The following ASTN2 variants were observed in gnomAD, a reference collection of about 807,000 sequenced individuals.
ASTN2 encodes the protein astrotactin-2.
In ASTN2, 54 loss-of-function variants were observed where a neutral mutation model predicts 139.8. The observed-to-expected ratio is 0.39, with a 90% CI of 0.31 to 0.48. The LOEUF (loss-of-function observed/expected upper bound fraction) is 0.48. ASTN2 is among the 20% of genes least tolerant of loss of function. The pLI, the probability that ASTN2 is intolerant of heterozygous loss-of-function variation, is 0.95. For missense variants in ASTN2, 1,565 were observed against 1,725.1 expected (o/e 0.91, Z 1.64); for synonymous variants, 756 against 719.5 (o/e 1.05, Z -0.81).
intron 1 of ASTN2, among the ~76,000 whole-genome samples, chr9:117,313,440 T>C (rs770856657): frequency 2.6e-5 from 4 of 152,070 alleles, no homozygotes; most frequent in Non-Finnish European, 5.9e-5. Context: ...GCCTGAGAAG[T>C]GCAGTCCCAG....
At chr9:116,981,812 T>C (rs1308812954) in intron 7 of ASTN2, among the ~76,000 whole-genome samples, 1 of 152,198 alleles carries the variant, frequency 6.6e-6, no homozygotes, top group South Asian at 2.1e-4. Flanking sequence ...TACATGTATA[T>C]GTTGTTAGTA....
At chr9:116,494,345 T>C (rs1039473706) in intron 19 of ASTN2, among the ~76,000 whole-genome samples, 1 of 152,172 alleles carries the variant, frequency 6.6e-6, no homozygotes, top group Non-Finnish European at 1.5e-5. Flanking sequence ...AGAATATTTA[T>C]AATATGTCTG....
chr9:117,377,011 C>T (rs563577047), intron 1 of ASTN2, among the ~76,000 whole-genome samples: 1 of 152,084 alleles, frequency 6.6e-6, no homozygotes, highest in African/African-American at 2.4e-5. Flanking sequence ...GGCAGACAAA[C>T]GAAGGAAGGC....
intron 13 of ASTN2, among the ~76,000 whole-genome samples, chr9:116,768,683 G>A (rs1277148212): frequency 2.6e-5 from 4 of 152,196 alleles, no homozygotes; most frequent in African/African-American, 9.7e-5. Flanking sequence ...AGTGCCCTGA[G>A]AGACCCGCTT....
At chr9:116,822,465 G>A (rs1023302932) in intron 11 of ASTN2, among the ~76,000 whole-genome samples, 3 of 152,160 alleles carry the variant, frequency 2.0e-5, no homozygotes, top group Non-Finnish European at 4.4e-5. Context: ...AACATTCACT[G>A]TCAGACAAGA....
chr9:116,655,085 GT>G (rs1185341470), intron 16 of ASTN2, among the ~76,000 whole-genome samples: 4 of 152,132 alleles, frequency 2.6e-5, no homozygotes, highest in Admixed American at 1.3e-4. Flanking sequence ...CTATAATCTG[GT>G]GCAACCCCAT....
At chr9:117,386,989 C>A (rs1830416603) in intron 1 of ASTN2, among the ~76,000 whole-genome samples, 1 of 152,200 alleles carries the variant, frequency 6.6e-6, no homozygotes, top group Non-Finnish European at 1.5e-5. Context: ...CCAACACCCT[C>A]TGGGACCCTG....
chr9:117,026,571 T>A (rs1016247559), intron 6 of ASTN2, among the ~76,000 whole-genome samples: 1 of 152,156 alleles, frequency 6.6e-6, no homozygotes. Context: ...TTTTTCTAGC[T>A]CTACAGGAAC....
intron 19 of ASTN2, among the ~76,000 whole-genome samples, chr9:116,489,385 G>C (rs981506433): frequency 4.6e-5 from 7 of 151,710 alleles, no homozygotes; most frequent in African/African-American, 1.7e-4. Flanking sequence ...TGCCAAGTCT[G>C]GAGTGCAGTG....
Position 117,291,474 on chromosome 9 carries a change from C to T in ASTN2, c.482G>A (p.Trp161Ter). ...GCCATTCTCCAGCCACTGCTGTCTC[C>T]AGTGCACCAGCGAGATGTCCGCTGC... is the stretch of plus-strand genomic sequence containing the variant. ...GTAADISLVHWRQQWLENGTL... is the reference protein window; with the variant it reads ...GTAADISLVH The change falls in exon 2 of 23, where the codon TGG becomes TAG. Residue 161 changes from tryptophan (W) to a stop codon, truncating the protein, a stop_gained. Transcript: ENST00000313400. LOFTEE classifies it high-confidence loss of function. The T allele has an allele frequency of 1.9e-6, 3 of 1,613,300 alleles. No homozygotes were observed. The highest frequency in any genetic ancestry group is 2.2e-5 in the East Asian group (1 of 44,856).
intron 4 of ASTN2, among the ~76,000 whole-genome samples, chr9:117,132,961 C>T (rs1035174132): frequency 1.2e-4 from 19 of 152,108 alleles, no homozygotes; most frequent in African/African-American, 4.3e-4. Flanking sequence ...ATTCTCACAT[C>T]CCCAGATACT....
chr9:116,827,045 C>T (rs1831650504), intron 11 of ASTN2, among the ~76,000 whole-genome samples: 1 of 152,112 alleles, frequency 6.6e-6, no homozygotes, highest in Non-Finnish European at 1.5e-5. Context: ...AGTGGTGGCT[C>T]ATGCTTGTAA....
intron 10 of ASTN2, among the ~76,000 whole-genome samples, chr9:116,917,222 A>G (rs1834473308): frequency 6.6e-6 from 1 of 152,106 alleles, no homozygotes; most frequent in Non-Finnish European, 1.5e-5. Context: ...AACCCTCTCC[A>G]TAGGTCCCTT....
At chr9:116,547,756 T>C (rs1852160635) in intron 19 of ASTN2, 1 of 152,142 alleles carries the variant, frequency 6.6e-6, no homozygotes, top group South Asian at 2.1e-4. Flanking sequence ...CTATAACCAG[T>C]GTCTGAGAGG....
chr9:117,116,171 G>A (rs1768553837), intron 4 of ASTN2, among the ~76,000 whole-genome samples: 1 of 152,118 alleles, frequency 6.6e-6, no homozygotes, highest in South Asian at 2.1e-4. Flanking sequence ...ACACATGGCA[G>A]GGCCTCACTC....
At chr9:116,644,328 A>T (rs1857486272) in intron 17 of ASTN2, among the ~76,000 whole-genome samples, 1 of 152,200 alleles carries the variant, frequency 6.6e-6, no homozygotes, top group Non-Finnish European at 1.5e-5. Context: ...CTAGAGCAGC[A>T]TGAACAGAAA....
chr9:116,533,794 T>C (rs6478243), intron 19 of ASTN2, among the ~76,000 whole-genome samples: 60,560 of 151,962 alleles, frequency 0.4, 12,290 homozygotes, highest in East Asian at 0.57. Context: ...TGCATCGATG[T>C]TCATCAGGGA....
At chr9:116,888,397 G>C (rs1053658768) in intron 10 of ASTN2, among the ~76,000 whole-genome samples, 1 of 152,176 alleles carries the variant, frequency 6.6e-6, no homozygotes, top group African/African-American at 2.4e-5. Flanking sequence ...TGGTTTTATT[G>C]AAACAGTGTA....
intron 19 of ASTN2, among the ~76,000 whole-genome samples, chr9:116,555,341 G>A (rs903311655): frequency 9.9e-5 from 15 of 152,116 alleles, no homozygotes; most frequent in African/African-American, 2.2e-4. Flanking sequence ...GCCCACTTTC[G>A]CGCTGCTGAG....
Sources: allele counts gnomAD v4.1 joint callset (sites outside exome capture counted in the v4.1 genomes callset), GRCh38; gene constraint gnomAD v4.1.1; transcripts MANE v1.5; gene names NCBI Gene and HGNC (gene_info 2026-07-23, HGNC 2026-07-21).